Variants in RBM33 observed in about 807,000 individuals in gnomAD.
RBM33 encodes the protein RNA-binding protein 33.
In RBM33, 28 loss-of-function variants were observed where a neutral mutation model predicts 132.6. The observed-to-expected ratio is 0.21, with a 90% CI of 0.16 to 0.29. The LOEUF is 0.29. Among genes scored for constraint, RBM33 ranks in the 10% least tolerant of loss-of-function variants. RBM33 has a pLI of 1.00. For missense variants in RBM33, 1,291 were observed against 1,518.5 expected (o/e 0.85, Z 2.49); for synonymous variants, 634 against 593.0 (o/e 1.07, Z -1.01).
intron 5 of RBM33, among the ~76,000 whole-genome samples, chr7:155,686,452 G>A (rs1290366127): frequency 2.0e-5 from 3 of 151,950 alleles, no homozygotes; most frequent in Non-Finnish European, 2.9e-5. Flanking sequence ...TTAATTCCAT[G>A]TCCTTTTTGT....
chr7:155,766,043 A>ACAG (rs1802204875), intron 15 of RBM33, among the ~76,000 whole-genome samples: 1 of 152,162 alleles, frequency 6.6e-6, no homozygotes, highest in Admixed American at 6.5e-5. Flanking sequence ...AGCACTGTGC[A>ACAG]CAGCAGGTCC....
At chr7:155,655,488 G>A (rs1241273696) in intron 1 of RBM33, among the ~76,000 whole-genome samples, 1 of 140,554 alleles carries the variant, frequency 7.1e-6, no homozygotes, top group East Asian at 2.2e-4. Context: ...ATGTCAGAGT[G>A]TCTGTGAAGT....
chr7:155,707,147 A>C (rs1800141090), intron 7 of RBM33, 79 bp downstream of exon 7: 2 of 1,188,820 alleles, frequency 1.7e-6, no homozygotes, highest in Non-Finnish European at 2.4e-6. Flanking sequence ...CCTAGTATAC[A>C]TTTCTCTCTT....
intron 9 of RBM33, among the ~76,000 whole-genome samples, chr7:155,719,083 C>A (rs189412392): frequency 1.2e-4 from 18 of 152,168 alleles, no homozygotes; most frequent in Admixed American, 1.2e-3. Context: ...AGCCCATTAA[C>A]TAGTTATATT....
intron 8 of RBM33, among the ~76,000 whole-genome samples, chr7:155,714,670 G>A (rs1800407176): frequency 6.6e-6 from 1 of 152,170 alleles, no homozygotes; most frequent in South Asian, 2.1e-4. Flanking sequence ...CACTCAGAGG[G>A]GCCATTAGAG....
At chr7:155,707,819 G>A (rs1046935276) in intron 7 of RBM33, among the ~76,000 whole-genome samples, 1 of 152,072 alleles carries the variant, frequency 6.6e-6, no homozygotes, top group African/African-American at 2.4e-5. Flanking sequence ...ACCACACCCA[G>A]TTAATTTTAA....
chr7:155,700,546 C>CTTTTTTTTT (rs529323301), intron 5 of RBM33, among the ~76,000 whole-genome samples: 1 of 85,582 alleles, frequency 1.2e-5, no homozygotes, highest in Non-Finnish European at 2.3e-5. Context: ...AGAATTTGAC[C>CTTTTTTTTT]TTTTTTTTTT....
chr7:155,779,115 C>T lies in RBM33; in HGVS notation c.*4074C>T, dbSNP rs11520636. ...GTTTTTTTATTACCCTCCCTCCCTACTTGTAGGCCTCAGCTATGGCTTGAC... is the reference window on the plus strand; with the variant it reads ...GTTTTTTTATTACCCTCCCTCCCTATTTGTAGGCCTCAGCTATGGCTTGAC... On this transcript the variant is annotated 3_prime_UTR_variant, in exon 18 of 18. Transcript: ENST00000401878. 0.14 allele frequency: 21,211 copies of T among 151,792 alleles called. 3,445 individuals are homozygous for T. The highest frequency in any genetic ancestry group is 0.4 in the African/African-American group (16,358 of 41,248). The allele number at this position is 151,792 out of a possible 1,614,324, so 9.4% of individuals were successfully genotyped here. A position where few individuals can be genotyped will look rare whatever the true frequency, so the allele number is the denominator to read the frequency against.
intron 5 of RBM33, among the ~76,000 whole-genome samples, chr7:155,699,635 A>G (rs73734198): frequency 0.025 from 3,764 of 152,290 alleles, 144 homozygotes; most frequent in African/African-American, 0.085. Flanking sequence ...TTAAGGTGAA[A>G]GTTGTAGTTT....
In RBM33 at chr7:155,775,172, G is replaced by T; in HGVS notation, c.*131G>T. ...CGCTGTCCTGCGTAACTGTTCTCCA[G>T]AGCGCCAGCCAGCCACGGGCCTGAT... On this transcript the variant is annotated 3_prime_UTR_variant, in exon 18 of 18. Coordinates refer to ENST00000401878, the MANE Select transcript of RBM33 (RefSeq NM_053043.3). 1 of 827,360 alleles carries T rather than the reference G, an allele frequency of 1.2e-6. No individual in the cohort carries two copies. The highest frequency in any genetic ancestry group is 1.4e-5 in the South Asian group (1 of 71,038). 51.3% of individuals were successfully genotyped at this position (827,360 alleles called of 1,614,324 possible).
chr7:155,686,850 G>A (rs1210957405), intron 5 of RBM33, among the ~76,000 whole-genome samples: 1 of 152,142 alleles, frequency 6.6e-6, no homozygotes, highest in Non-Finnish European at 1.5e-5. Flanking sequence ...TGGTGTATAT[G>A]TGCCACATTT....
chr7:155,754,994 A>C (rs1444943151), intron 14 of RBM33, among the ~76,000 whole-genome samples: 3 of 152,226 alleles, frequency 2.0e-5, no homozygotes, highest in Non-Finnish European at 4.4e-5. Flanking sequence ...GAGCCTGTTT[A>C]TTAATATTTT....
intron 16 of RBM33, among the ~76,000 whole-genome samples, chr7:155,769,139 A>G (rs922602152): frequency 1.3e-5 from 2 of 152,346 alleles, no homozygotes; most frequent in Admixed American, 1.3e-4. Flanking sequence ...TGGTCTTCCA[A>G]AAAGTTTCGA....
intron 8 of RBM33, among the ~76,000 whole-genome samples, chr7:155,716,517 T>C (rs901066673): frequency 6.6e-5 from 10 of 152,140 alleles, no homozygotes; most frequent in African/African-American, 2.4e-4. Flanking sequence ...TTGGTAGATA[T>C]TGGCATTTAA....
At chr7:155,688,360 C>T (rs1346634779) in intron 5 of RBM33, among the ~76,000 whole-genome samples, 1 of 152,190 alleles carries the variant, frequency 6.6e-6, no homozygotes, top group African/African-American at 2.4e-5. Context: ...TGCTTATCAG[C>T]TTAAGGAGAT....
intron 3 of RBM33, among the ~76,000 whole-genome samples, chr7:155,673,889 T>C (rs1303960305): frequency 6.7e-6 from 1 of 149,488 alleles, no homozygotes; most frequent in Non-Finnish European, 1.5e-5. Flanking sequence ...TAAATTTTAT[T>C]AACAGTTTAA....
intron 16 of RBM33, among the ~76,000 whole-genome samples, chr7:155,771,451 G>A (rs571325399): frequency 2.0e-5 from 3 of 152,276 alleles, no homozygotes; most frequent in South Asian, 2.1e-4. Context: ...AGGGCAGCAC[G>A]CTTGTTCATT....
chr7:155,767,901 C>G (rs2117075852), intron 16 of RBM33, among the ~76,000 whole-genome samples: 1 of 152,326 alleles, frequency 6.6e-6, no homozygotes, highest in South Asian at 2.1e-4. Flanking sequence ...TGTGGTTATC[C>G]TAATCTGAGA....
chr7:155,700,128 G>C (rs1799915163), intron 5 of RBM33, among the ~76,000 whole-genome samples: 1 of 152,142 alleles, frequency 6.6e-6, no homozygotes, highest in Non-Finnish European at 1.5e-5. Context: ...TAAAATTTCA[G>C]ATAAAAGCTG....
Sources: allele counts gnomAD v4.1 joint callset (sites outside exome capture counted in the v4.1 genomes callset), GRCh38; gene constraint gnomAD v4.1.1; transcripts MANE v1.5; gene names NCBI Gene and HGNC (gene_info 2026-07-23, HGNC 2026-07-21).